TTLL13: variants seen among roughly 807,000 people sequenced by gnomAD.
TTLL13 encodes the protein tubulin tyrosine ligase like 13.
chr15:90,250,674 A>G, the TTLL13 span: 1 of 1,614,154 alleles, frequency 6.2e-7, no homozygotes, highest in Non-Finnish European at 8.5e-7. Context: ...GAGGAAGACT[A>G]TGTTGAGGAA....
the TTLL13 span, chr15:90,251,669 G>A: frequency 1.3e-6 from 2 of 1,547,288 alleles, no homozygotes; most frequent in East Asian, 4.5e-5. Flanking sequence ...CTCTGGAATG[G>A]ACCCCCGATC....
chr15:90,263,870 A>C, the TTLL13 span: 1 of 987,580 alleles, frequency 1.0e-6, no homozygotes, highest in Non-Finnish European at 1.5e-6. Flanking sequence ...CTGCCCCATG[A>C]ATCAATCCCC....
the TTLL13 span, chr15:90,258,889 A>G: frequency 6.2e-7 from 1 of 1,614,178 alleles, no homozygotes; most frequent in Non-Finnish European, 8.5e-7. Flanking sequence ...GAGTCAAGGA[A>G]CGGCTTTTCC....
At chr15:90,253,917 G>C in the TTLL13 span, among the ~76,000 whole-genome samples, 4 of 152,248 alleles carry the variant, frequency 2.6e-5, no homozygotes, top group African/African-American at 9.6e-5. Flanking sequence ...TTATTCTTTG[G>C]GGAAGCCAGG....
At chr15:90,250,476 G>A in the TTLL13 span, 5,869 of 859,006 alleles carry the variant, frequency 6.8e-3, 263 homozygotes, top group African/African-American at 0.089. Flanking sequence ...CCATTCCTCA[G>A]TGAAACAGTT....
the TTLL13 span, among the ~76,000 whole-genome samples, chr15:90,253,046 G>A: frequency 1.3e-5 from 2 of 152,128 alleles, no homozygotes; most frequent in African/African-American, 4.8e-5. Context: ...AGTTTTCTCT[G>A]CTAGGTATTT....
At chr15:90,255,577 T>A in the TTLL13 span, among the ~76,000 whole-genome samples, 375 of 152,184 alleles carry the variant, frequency 2.5e-3, 4 homozygotes, top group Non-Finnish European at 3.5e-3. Flanking sequence ...ACAGAGGGTT[T>A]TCTCACCTGC....
chr15:90,258,105 A>T, the TTLL13 span: 1 of 1,614,204 alleles, frequency 6.2e-7, no homozygotes, highest in African/African-American at 1.3e-5. Context: ...GTGGGGGGAC[A>T]TCGAGGACAT....
chr15:90,258,785 C>G, the TTLL13 span: 6 of 1,614,182 alleles, frequency 3.7e-6, no homozygotes, highest in Middle Eastern at 3.3e-4. Flanking sequence ...ATGCCTTGAT[C>G]AAGAAGTAAA....
chr15:90,260,621 G>A, the TTLL13 span, among the ~76,000 whole-genome samples: 1 of 152,160 alleles, frequency 6.6e-6, no homozygotes, highest in Non-Finnish European at 1.5e-5. Context: ...GGGAGGCTGA[G>A]GTGGGCGGAT....
chr15:90,258,578 A>G, the TTLL13 span: 5 of 640,928 alleles, frequency 7.8e-6, no homozygotes, highest in Non-Finnish European at 1.4e-5. Flanking sequence ...TGTGAATTGG[A>G]GATCTCTATG....
chr15:90,264,651 A>G, the TTLL13 span: 1 of 1,499,574 alleles, frequency 6.7e-7, no homozygotes, highest in African/African-American at 1.4e-5. Flanking sequence ...ATTGGGCCAC[A>G]GTTGGGAAAG....
At chr15:90,260,368 G>A in the TTLL13 span, among the ~76,000 whole-genome samples, 252 of 152,080 alleles carry the variant, frequency 1.7e-3, no homozygotes, top group Non-Finnish European at 2.3e-3. Context: ...GTAATGGTGC[G>A]CGCCTATGGT....
chr15:90,262,095 C>T, the TTLL13 span: 4 of 1,536,118 alleles, frequency 2.6e-6, no homozygotes, highest in Non-Finnish European at 3.5e-6. Flanking sequence ...CGGATCTACC[C>T]TGGGCCTGAC....
chr15:90,257,803 T>C, the TTLL13 span: 4 of 1,400,198 alleles, frequency 2.9e-6, no homozygotes, highest in Non-Finnish European at 4.0e-6. Context: ...AAGCTGGCTC[T>C]TGGGAGGCTA....
the TTLL13 span, chr15:90,257,565 C>A: frequency 1.4e-6 from 2 of 1,405,190 alleles, no homozygotes; most frequent in Non-Finnish European, 2.0e-6. Context: ...TGGGGAGCAA[C>A]AAGGTAATGA....
At chr15:90,253,248 G>A in the TTLL13 span, 1 of 1,613,394 alleles carries the variant, frequency 6.2e-7, no homozygotes, top group Non-Finnish European at 8.5e-7. Flanking sequence ...TGTCTCTGCA[G>A]TGCGTCGGGC....
chr15:90,262,258 C>T, the TTLL13 span: 1 of 1,411,886 alleles, frequency 7.1e-7, no homozygotes, highest in Non-Finnish European at 9.3e-7. Context: ...CATTGCTTCC[C>T]AGCAGGGAAA....
At chr15:90,250,072 C>G in the TTLL13 span, among the ~76,000 whole-genome samples, 2 of 151,888 alleles carry the variant, frequency 1.3e-5, no homozygotes, top group Admixed American at 1.3e-4. Context: ...ATTCTCCTCC[C>G]TCAGCCTCCC....
Sources: allele counts gnomAD v4.1 joint callset (sites outside exome capture counted in the v4.1 genomes callset), GRCh38; gene constraint gnomAD v4.1.1; transcripts MANE v1.5; gene names NCBI Gene and HGNC (gene_info 2026-07-23, HGNC 2026-07-21).